The following LAMA1 variants were observed in gnomAD, a reference collection of about 807,000 sequenced individuals.
LAMA1 encodes the protein laminin subunit alpha-1.
LAMA1 carries 219 observed loss-of-function variants against 348.7 expected under a neutral mutation model. The observed-to-expected ratio is 0.63, with a 90% CI of 0.56 to 0.70. The LOEUF is 0.70. Ranked by LOEUF, LAMA1 falls within the 30% of genes least tolerant of loss-of-function variation. The pLI is 0.00. For missense variants in LAMA1, 3,744 were observed against 3,888.0 expected (o/e 0.96, Z 0.99); for synonymous variants, 1,487 against 1,491.0 (o/e 1.00, Z 0.06).
intron 10 of LAMA1, among the ~76,000 whole-genome samples, chr18:7,039,205 T>C (rs1940232873): frequency 6.6e-6 from 1 of 152,226 alleles, no homozygotes; most frequent in Non-Finnish European, 1.5e-5. Context: ...TGTTTTGTTT[T>C]AAATTTTTCA....
At chr18:7,050,023 C>T (rs931204609) in intron 4 of LAMA1, among the ~76,000 whole-genome samples, 4 of 152,136 alleles carry the variant, frequency 2.6e-5, no homozygotes, top group African/African-American at 9.7e-5. Flanking sequence ...CAGCATCTGT[C>T]CCTGGGCTAC....
intron 3 of LAMA1, among the ~76,000 whole-genome samples, chr18:7,061,030 A>C (rs183569373): frequency 1.3e-4 from 20 of 152,248 alleles, no homozygotes; most frequent in Admixed American, 9.8e-4. Context: ...ATGGTGGTGC[A>C]TGCCTTTGGT....
chr18:6,981,579 GTACC>G (rs1385728014), intron 41 of LAMA1, among the ~76,000 whole-genome samples: 1 of 152,138 alleles, frequency 6.6e-6, no homozygotes, highest in Non-Finnish European at 1.5e-5. Context: ...TACCTATGAA[GTACC>G]TCTAGTTGTA....
In LAMA1 at chr18:6,995,367, A is replaced by C; in HGVS notation, c.4886T>G (p.Leu1629Arg). Residue 1629 changes from leucine to arginine, a missense_variant, in exon 34 of 63, where the codon CTG (leucine) becomes CGG (arginine). Physicochemically the swap from Leu to Arg is moderately radical, Grantham distance 102 (BLOSUM62 -2). Coordinates refer to ENST00000389658, the MANE Select transcript of LAMA1 (RefSeq NM_005559.4). ...LEGVAEETDN[L>R]QKKLTRMLAS... ...ATGGAAAGAATTTACCTTCTTTTGCAGGTTGTCCGTTTCTTCTGCAACACC... is the reference window on the plus strand; with the variant it reads ...ATGGAAAGAATTTACCTTCTTTTGCCGGTTGTCCGTTTCTTCTGCAACACC... 1 of 1,612,020 alleles carries C rather than the reference A, an allele frequency of 6.2e-7. No individual in the cohort carries two copies. The highest frequency in any genetic ancestry group is 8.5e-7 in the Non-Finnish European group (1 of 1,178,006).
chr18:7,008,088 CAT>C (rs918851536), intron 28 of LAMA1, among the ~76,000 whole-genome samples: 1 of 151,438 alleles, frequency 6.6e-6, no homozygotes, highest in African/African-American at 2.4e-5. Context: ...ATGTGCCATG[CAT>C]ATATATATAT....
intron 1 of LAMA1, among the ~76,000 whole-genome samples, chr18:7,106,630 G>A (rs2143828763): frequency 6.6e-6 from 1 of 152,168 alleles, no homozygotes; most frequent in African/African-American, 2.4e-5. Context: ...AAAGTGCTGG[G>A]ATTACAGGCG....
intron 19 of LAMA1, among the ~76,000 whole-genome samples, chr18:7,020,556 C>T (rs1030645636): frequency 3.3e-5 from 5 of 152,042 alleles, no homozygotes; most frequent in African/African-American, 9.7e-5. Context: ...TTTGTCTCAT[C>T]GAAGCGAGGG....
Position 7,010,146 on chromosome 18 carries a change from C to A in LAMA1, c.3873+54G>T, listed in dbSNP as rs1490031137. 1.8e-5 allele frequency: 29 copies of A among 1,589,678 alleles called. No individual in the cohort carries two copies. The South Asian group carries it at 3.0e-4, about 16-fold the overall frequency. On this transcript the variant is annotated intron_variant, in intron 26 of 62. Transcript: ENST00000389658. ...TAATGGCTTTCATCTTTCACTACATCCATAGCAAAGTCAATGTCTTTAAGG... is the reference window on the plus strand; with the variant it reads ...TAATGGCTTTCATCTTTCACTACATACATAGCAAAGTCAATGTCTTTAAGG...
chr18:7,036,214 C>T, intron 12 of LAMA1, 126 bp from the exon 13 acceptor site: 1 of 728,244 alleles, frequency 1.4e-6, no homozygotes, highest in East Asian at 2.6e-5. Context: ...TTGACCATGA[C>T]AGACAAGGAA....
rs1383284461 is a variant in LAMA1, at chr18:6,995,351, A to G, written c.4896+6T>C. On this transcript the variant is annotated splice_donor_region_variant and intron_variant, in intron 34 of 62. Coordinates refer to ENST00000389658, the MANE Select transcript of LAMA1 (RefSeq NM_005559.4). Reference sequence around the variant, plus strand: ...GGAAGGTTGGTTGGTTATGGAAAGAATTTACCTTCTTTTGCAGGTTGTCCG... The same window carrying G: ...GGAAGGTTGGTTGGTTATGGAAAGAGTTTACCTTCTTTTGCAGGTTGTCCG... 6.2e-7 allele frequency: 1 copy of G among 1,607,744 alleles called. No individual in the cohort carries two copies. Among genetic ancestry groups the G allele is most frequent in the South Asian group, 1.1e-5 (1 of 90,948 alleles).
chr18:7,067,711 A>G (rs1168900971), intron 3 of LAMA1, among the ~76,000 whole-genome samples: 2 of 152,180 alleles, frequency 1.3e-5, no homozygotes, highest in South Asian at 2.1e-4. Flanking sequence ...AAACGAGAGG[A>G]AATGTTTATT....
intron 48 of LAMA1, among the ~76,000 whole-genome samples, chr18:6,968,793 T>A (rs1181989182): frequency 6.6e-6 from 1 of 152,180 alleles, no homozygotes; most frequent in Non-Finnish European, 1.5e-5. Context: ...AAGTTTCAAT[T>A]CATTTACTTG....
At chr18:6,944,674 CA>C (rs1173537422) in intron 61 of LAMA1, among the ~76,000 whole-genome samples, 1 of 152,132 alleles carries the variant, frequency 6.6e-6, no homozygotes, top group Non-Finnish European at 1.5e-5. Context: ...GTCAAAGAGA[CA>C]GGCCTCAGAA....
intron 1 of LAMA1, among the ~76,000 whole-genome samples, chr18:7,113,559 G>A (rs1406814113): frequency 6.6e-6 from 1 of 152,182 alleles, no homozygotes; most frequent in Non-Finnish European, 1.5e-5. Context: ...GGAACATTAA[G>A]TAATTTGATA....
At chr18:7,044,867 T>C in intron 6 of LAMA1, 28 bp from the exon 7 acceptor site, 5 of 1,478,896 alleles carry the variant, frequency 3.4e-6, no homozygotes, top group Non-Finnish European at 4.7e-6. Context: ...CAAAACTGAA[T>C]TAGAAAATGT....
intron 57 of LAMA1, 80 bp downstream of exon 57, chr18:6,955,273 G>C: frequency 9.0e-7 from 1 of 1,109,680 alleles, no homozygotes; most frequent in Non-Finnish European, 1.3e-6. Context: ...AGGTTCTTTT[G>C]GAAAAGACTC....
At chr18:7,114,687 G>A (rs1010397345) in intron 1 of LAMA1, among the ~76,000 whole-genome samples, 1 of 152,142 alleles carries the variant, frequency 6.6e-6, no homozygotes, top group Non-Finnish European at 1.5e-5. Flanking sequence ...AGCTAGTAAA[G>A]CCAGAGAATT....
At chr18:6,980,450 T>C (rs894470076) in intron 42 of LAMA1, 71 bp downstream of exon 42, 1 of 1,065,376 alleles carries the variant, frequency 9.4e-7, no homozygotes, top group South Asian at 1.3e-5. Flanking sequence ...AGGCAGGACT[T>C]CCTTATGTTC....
chr18:7,018,932 A>T (rs1054518395), intron 19 of LAMA1, among the ~76,000 whole-genome samples: 3 of 152,014 alleles, frequency 2.0e-5, no homozygotes, highest in Non-Finnish European at 4.4e-5. Flanking sequence ...GTTTTCCTGG[A>T]GTGGGGGCCT....
Sources: allele counts gnomAD v4.1 joint callset (sites outside exome capture counted in the v4.1 genomes callset), GRCh38; gene constraint gnomAD v4.1.1; transcripts MANE v1.5; gene names NCBI Gene and HGNC (gene_info 2026-07-23, HGNC 2026-07-21).